The following PID1 variants were observed in gnomAD, a reference collection of about 807,000 sequenced individuals.
PID1 encodes the protein phosphotyrosine interaction domain containing 1.
PID1 carries 10 observed loss-of-function variants against 19.1 expected under a neutral mutation model. That is an observed-to-expected ratio of 0.52 (90% CI 0.32 to 0.89). The LOEUF is 0.89. Ranked by LOEUF, PID1 falls within the 40% of genes least tolerant of loss-of-function variation. PID1 has a pLI of 0.03. For missense variants in PID1, 248 were observed against 285.3 expected (o/e 0.87, Z 0.94); for synonymous variants, 130 against 116.0 (o/e 1.12, Z -0.78).
chr2:229,110,103 C>T (rs1398837449), intron 2 of PID1, among the ~76,000 whole-genome samples: 1 of 152,204 alleles, frequency 6.6e-6, no homozygotes, highest in Non-Finnish European at 1.5e-5. Flanking sequence ...GACGCTGTAA[C>T]CTAGTAGTAC....
intron 1 of PID1, among the ~76,000 whole-genome samples, chr2:229,177,844 C>T (rs1362260): frequency 0.5 from 75,815 of 151,862 alleles, 19,244 homozygotes; most frequent in South Asian, 0.68. Context: ...CACGACAATG[C>T]TCTGAGGTAG....
chr2:229,242,796 G>T (rs1294983153), intron 1 of PID1, among the ~76,000 whole-genome samples: 1 of 152,030 alleles, frequency 6.6e-6, no homozygotes, highest in Non-Finnish European at 1.5e-5. Context: ...TGAAGTCCAT[G>T]CTCAGTAACA....
At chr2:229,103,571 A>ATTTTTTTTTTTTTTTTTTTTTTTTTT (rs60510809) in intron 2 of PID1, among the ~76,000 whole-genome samples, 2 of 76,236 alleles carry the variant, frequency 2.6e-5, no homozygotes. Context: ...ATATGCTGGA[A>ATTTTTTTTTTTTTTTTTTTTTTTTTT]TTTTTTTTTT....
At chr2:229,245,198 C>A (rs2106279335) in intron 1 of PID1, 1 of 152,238 alleles carries the variant, frequency 6.6e-6, no homozygotes, top group East Asian at 1.9e-4. Context: ...CTTGCACTCC[C>A]TTTTTCCTGT....
At chr2:229,055,626 T>C (rs957048258) in intron 2 of PID1, among the ~76,000 whole-genome samples, 4 of 152,208 alleles carry the variant, frequency 2.6e-5, no homozygotes, top group Admixed American at 1.3e-4. Flanking sequence ...GTATCTATAA[T>C]ATGTTTTTGG....
At chr2:229,210,916 G>T (rs898820339) in intron 1 of PID1, among the ~76,000 whole-genome samples, 1 of 152,144 alleles carries the variant, frequency 6.6e-6, no homozygotes, top group African/African-American at 2.4e-5. Flanking sequence ...TGAGCCAATA[G>T]GATTTAATTA....
At chr2:229,239,935 C>T (rs986905006) in intron 1 of PID1, among the ~76,000 whole-genome samples, 2 of 152,030 alleles carry the variant, frequency 1.3e-5, no homozygotes, top group Admixed American at 1.3e-4. Context: ...CACTATTATA[C>T]TCATAAAATA....
Position 229,220,025 on chromosome 2 carries a change from C to CT in PID1, c.30+50988dup, listed in dbSNP as rs373977308. The stretch of plus-strand genomic sequence containing the variant: ...CATTTGTCCTTTTGTTTTGGGGACT[C>CT]TTTTTTTTTTTTGAATCAAGGCCTC... On this transcript the variant is annotated intron_variant, in intron 1 of 2. Transcript: ENST00000392055. Among the ~76,000 whole-genome samples the CT allele has an allele frequency of 3.6e-4, 52 of 143,478 alleles. 1 individual carries two copies. Among genetic ancestry groups the CT allele is most frequent in the South Asian group, 1.1e-3 (5 of 4,460 alleles). 94.1% of individuals were successfully genotyped at this position (143,478 alleles called of 152,430 possible).
chr2:229,219,215 T>C (rs1011786747), intron 1 of PID1, among the ~76,000 whole-genome samples: 2 of 152,136 alleles, frequency 1.3e-5, no homozygotes, highest in African/African-American at 4.8e-5. Context: ...CTAATAAAGA[T>C]ACACCCGAGA....
intron 2 of PID1, among the ~76,000 whole-genome samples, chr2:229,116,434 G>C (rs1355644372): frequency 2.0e-5 from 3 of 152,038 alleles, no homozygotes; most frequent in Non-Finnish European, 4.4e-5. Flanking sequence ...TGCTGATATG[G>C]TTTGGCTGTG....
At chr2:229,082,094 C>T (rs1694679094) in intron 2 of PID1, among the ~76,000 whole-genome samples, 1 of 152,154 alleles carries the variant, frequency 6.6e-6, no homozygotes, top group Non-Finnish European at 1.5e-5. Context: ...CCCAGAGCTG[C>T]CACAGAGTCA....
chr2:229,159,717 A>T (rs1690453950), intron 1 of PID1, among the ~76,000 whole-genome samples: 1 of 152,176 alleles, frequency 6.6e-6, no homozygotes, highest in Non-Finnish European at 1.5e-5. Flanking sequence ...TCTGAGGGCA[A>T]CTTCTTTTTA....
At chr2:229,199,632 T>G (rs1267287567) in intron 1 of PID1, among the ~76,000 whole-genome samples, 1 of 151,484 alleles carries the variant, frequency 6.6e-6, no homozygotes, top group Admixed American at 6.6e-5. Context: ...ATGAAATCTA[T>G]AAACTATCTC....
intron 1 of PID1, among the ~76,000 whole-genome samples, chr2:229,168,735 T>C (rs1033969943): frequency 8.2e-5 from 12 of 146,690 alleles, no homozygotes; most frequent in South Asian, 2.1e-4. Context: ...TTTCTGTGTG[T>C]GTGCGTCTCA....
chr2:229,035,076 T>C (rs1693633799), intron 2 of PID1, among the ~76,000 whole-genome samples: 1 of 152,214 alleles, frequency 6.6e-6, no homozygotes, highest in South Asian at 2.1e-4. Context: ...CAGTGATGGC[T>C]GATTTTATGC....
At chr2:229,139,092 A>AG (rs1689941976) in intron 2 of PID1, among the ~76,000 whole-genome samples, 4 of 75,550 alleles carry the variant, frequency 5.3e-5, no homozygotes, top group African/African-American at 1.9e-4. Context: ...AGAAAGAAAG[A>AG]AAGAAAGAAA....
chr2:229,132,341 G>A (rs992068094), intron 2 of PID1, among the ~76,000 whole-genome samples: 1 of 152,106 alleles, frequency 6.6e-6, no homozygotes, highest in Non-Finnish European at 1.5e-5. Context: ...GGGCTATCAC[G>A]ATCCCAGAGA....
chr2:229,182,259 C>T (rs1690961558), intron 1 of PID1, among the ~76,000 whole-genome samples: 1 of 124,210 alleles, frequency 8.1e-6, no homozygotes, highest in African/African-American at 2.6e-5. Flanking sequence ...AAATGTGCCC[C>T]TCTGGTCCTC....
chr2:229,230,096 C>A (rs1465867785), intron 1 of PID1, among the ~76,000 whole-genome samples: 2 of 152,188 alleles, frequency 1.3e-5, no homozygotes, highest in Non-Finnish European at 2.9e-5. Context: ...ACATTTTAAT[C>A]CATTGCTTAT....
Sources: gnomAD v4.1 joint callset for allele counts (sites outside exome capture counted in the v4.1 genomes callset) on GRCh38, gnomAD v4.1.1 for gene constraint, MANE v1.5 for transcripts, NCBI Gene and HGNC (gene_info 2026-07-23, HGNC 2026-07-21) for gene names.